PTPRD: variants seen among roughly 807,000 people sequenced by gnomAD.
PTPRD encodes protein tyrosine phosphatase receptor type D.
Under a neutral mutation model 214.5 loss-of-function variants are expected in PTPRD, and 34 were observed. The ratio of observed to expected loss-of-function variants is 0.16; its 90% CI spans 0.12 to 0.21. The LOEUF (loss-of-function observed/expected upper bound fraction) is 0.21, where lower values mean the gene tolerates loss of function less well. Among genes scored for constraint, PTPRD ranks in the 10% least tolerant of loss-of-function variants. PTPRD has a pLI of 1.00. For synonymous variants in PTPRD, 1,128 were observed against 845.7 expected, an observed-to-expected ratio of 1.33 and a Z score of -5.79; for missense variants, 2,545 against 2,398.7, an observed-to-expected ratio of 1.06 and a Z score of -1.27.
chr9:10,091,816 T>TA (rs1226465844), intron 3 of PTPRD, among the ~76,000 whole-genome samples: 1 of 151,376 alleles, frequency 6.6e-6, no homozygotes, highest in South Asian at 2.1e-4. Context: ...TCCAGTTTAT[T>TA]AAAAAATAGC....
At chr9:8,624,961 C>G (rs2095969221) in intron 14 of PTPRD, among the ~76,000 whole-genome samples, 1 of 151,788 alleles carries the variant, frequency 6.6e-6, no homozygotes, top group Admixed American at 6.6e-5. Flanking sequence ...TCTCTTAATG[C>G]ATTGTATCTA....
At chr9:10,539,444 C>T (rs1187672799) in intron 2 of PTPRD, among the ~76,000 whole-genome samples, 1 of 152,202 alleles carries the variant, frequency 6.6e-6, no homozygotes, top group Non-Finnish European at 1.5e-5. Flanking sequence ...CTTGGCCTCC[C>T]AAAGTGCTGG....
Position 8,460,939 on chromosome 9 carries a change from G to A in PTPRD, c.3715-368C>T, listed in dbSNP as rs558325241. On this transcript the variant is annotated intron_variant, in intron 32 of 45. Coordinates refer to ENST00000381196, the MANE Select transcript of PTPRD (RefSeq NM_002839.4). ...ATGAACATTTACATTGTGCCAAGGCGTTAGGTGCTGTGTGAAAATCAAGAG... is the reference window on the plus strand; with the variant it reads ...ATGAACATTTACATTGTGCCAAGGCATTAGGTGCTGTGTGAAAATCAAGAG... Among the ~76,000 whole-genome samples the A allele has an allele frequency of 3.3e-5, 5 of 152,148 alleles. No individual in the cohort carries two copies. The East Asian group carries it at 9.7e-4, about 29-fold the overall frequency.
intron 14 of PTPRD, among the ~76,000 whole-genome samples, chr9:8,561,157 C>T (rs150202898): frequency 1.5e-3 from 236 of 152,264 alleles, no homozygotes; most frequent in African/African-American, 5.3e-3. Flanking sequence ...TTTTACTTAT[C>T]CCTACCCTTT....
chr9:9,013,897 G>C (rs2099522268), intron 11 of PTPRD, among the ~76,000 whole-genome samples: 1 of 152,104 alleles, frequency 6.6e-6, no homozygotes, highest in South Asian at 2.1e-4. Context: ...GCAAGGTGAG[G>C]TTCCCAGATA....
At chr9:10,101,539 G>C (rs1458632828) in intron 3 of PTPRD, among the ~76,000 whole-genome samples, 2 of 151,496 alleles carry the variant, frequency 1.3e-5, no homozygotes, top group Non-Finnish European at 3.0e-5. Flanking sequence ...ATTTAAAGGT[G>C]AGCCCACTAA....
intron 44 of PTPRD, among the ~76,000 whole-genome samples, chr9:8,320,695 T>C (rs1261854918): frequency 7.3e-6 from 1 of 137,020 alleles, no homozygotes; most frequent in Non-Finnish European, 1.6e-5. Flanking sequence ...TGAACTTAGC[T>C]ACCATTTTTA....
chr9:10,449,230 G>A (rs1566107777), intron 2 of PTPRD, among the ~76,000 whole-genome samples: 1 of 151,996 alleles, frequency 6.6e-6, no homozygotes, highest in Middle Eastern at 3.4e-3. Context: ...TGGTGGAGAC[G>A]AGGTTTCGCC....
At chr9:8,804,373 G>C (rs1248798501) in intron 11 of PTPRD, among the ~76,000 whole-genome samples, 1 of 151,940 alleles carries the variant, frequency 6.6e-6, no homozygotes, top group Non-Finnish European at 1.5e-5. Flanking sequence ...GAGAGCAGGA[G>C]GATCACTAGA....
intron 9 of PTPRD, among the ~76,000 whole-genome samples, chr9:9,334,953 G>C (rs1309660234): frequency 6.6e-6 from 1 of 151,934 alleles, no homozygotes; most frequent in Non-Finnish European, 1.5e-5. Context: ...TGAAGGTAGA[G>C]TAATTGGAAA....
chr9:10,282,118 T>A (rs1223585553), intron 3 of PTPRD, among the ~76,000 whole-genome samples: 1 of 152,154 alleles, frequency 6.6e-6, no homozygotes, highest in Non-Finnish European at 1.5e-5. Flanking sequence ...GGAAAGATCA[T>A]GACTTTCTAC....
intron 8 of PTPRD, among the ~76,000 whole-genome samples, chr9:9,567,515 A>C (rs1206842969): frequency 1.3e-5 from 2 of 152,018 alleles, no homozygotes; most frequent in African/African-American, 4.8e-5. Context: ...CACCTGTTTA[A>C]TTTGATGTGA....
chr9:9,114,764 G>A (rs574783941), intron 10 of PTPRD, among the ~76,000 whole-genome samples: 17 of 152,134 alleles, frequency 1.1e-4, no homozygotes, highest in South Asian at 4.2e-4. Context: ...GCAGATGGCC[G>A]GCATTAGGGG....
intron 3 of PTPRD, among the ~76,000 whole-genome samples, chr9:10,222,971 T>C (rs2099576283): frequency 6.6e-6 from 1 of 152,068 alleles, no homozygotes; most frequent in Non-Finnish European, 1.5e-5. Context: ...GTTGAGGTTC[T>C]ATACCAAGCC....
intron 12 of PTPRD, among the ~76,000 whole-genome samples, chr9:8,645,762 T>G (rs2096673456): frequency 8.2e-6 from 1 of 121,646 alleles, no homozygotes; most frequent in Admixed American, 8.9e-5. Context: ...TTCTAACTGC[T>G]TGAAAGATTA....
chr9:8,948,531 T>TTA (rs1229862431), intron 11 of PTPRD, among the ~76,000 whole-genome samples: 12 of 30,018 alleles, frequency 4.0e-4, no homozygotes, highest in Non-Finnish European at 5.2e-4. Context: ...ATATATATAT[T>TTA]TATATATATA....
At chr9:9,180,687 T>G (rs1418326931) in intron 10 of PTPRD, among the ~76,000 whole-genome samples, 1 of 152,058 alleles carries the variant, frequency 6.6e-6, no homozygotes, top group Non-Finnish European at 1.5e-5. Flanking sequence ...AGGAAAGAAT[T>G]TCTTCTTTCT....
chr9:10,492,084 G>C (rs533782226), intron 2 of PTPRD, among the ~76,000 whole-genome samples: 15 of 152,300 alleles, frequency 9.8e-5, no homozygotes, highest in Middle Eastern at 3.4e-3. Flanking sequence ...TCGTGTACAT[G>C]TGCCACATTG....
intron 10 of PTPRD, among the ~76,000 whole-genome samples, chr9:9,068,500 T>A (rs1470606689): frequency 6.6e-6 from 1 of 152,210 alleles, no homozygotes; most frequent in Non-Finnish European, 1.5e-5. Context: ...TTTCTGACAT[T>A]CACTATCATC....
Sources: allele counts gnomAD v4.1 joint callset (sites outside exome capture counted in the v4.1 genomes callset), GRCh38; gene constraint gnomAD v4.1.1; transcripts MANE v1.5; gene names NCBI Gene and HGNC (gene_info 2026-07-23, HGNC 2026-07-21).